The following CCDC13 variants were observed in gnomAD, a reference collection of about 807,000 sequenced individuals.
CCDC13 encodes coiled-coil domain containing 13.
Under a neutral mutation model 87.3 loss-of-function variants are expected in CCDC13, and 70 were observed. The observed-to-expected ratio is 0.80, with a 90% CI of 0.66 to 0.98. The LOEUF is 0.98. Ranked by LOEUF, CCDC13 falls within the 50% of genes least tolerant of loss-of-function variation. CCDC13 has a pLI of 0.00. For missense variants in CCDC13, 842 were observed against 892.0 expected, an observed-to-expected ratio of 0.94 and a Z score of 0.71; for synonymous variants, 317 against 360.3, an observed-to-expected ratio of 0.88 and a Z score of 1.36.
chr3:42,768,261 C>T (rs1180659079), intron 1 of CCDC13, among the ~76,000 whole-genome samples: 1 of 152,086 alleles, frequency 6.6e-6, no homozygotes, highest in African/African-American at 2.4e-5. Flanking sequence ...GAAGGTAATA[C>T]AGGAGAAAAT....
intron 8 of CCDC13, among the ~76,000 whole-genome samples, chr3:42,741,494 T>G (rs961909768): frequency 1.3e-5 from 2 of 152,170 alleles, no homozygotes; most frequent in African/African-American, 4.8e-5. Flanking sequence ...CCCAGCACTT[T>G]GTGAGGCCGA....
At chr3:42,710,364 G>A (rs1698281684) in intron 14 of CCDC13, among the ~76,000 whole-genome samples, 1 of 152,022 alleles carries the variant, frequency 6.6e-6, no homozygotes, top group Non-Finnish European at 1.5e-5. Context: ...GCCCAGCCTG[G>A]TAATTTGTTT....
intron 10 of CCDC13, among the ~76,000 whole-genome samples, chr3:42,734,509 T>G (rs1264644030): frequency 6.6e-6 from 1 of 152,154 alleles, no homozygotes; most frequent in Admixed American, 6.5e-5. Context: ...CCCTTCAGCC[T>G]CACAGCACTA....
chr3:42,769,791 A>G (rs1409549441), intron 1 of CCDC13, among the ~76,000 whole-genome samples: 2 of 152,224 alleles, frequency 1.3e-5, no homozygotes, highest in South Asian at 2.1e-4. Flanking sequence ...TGGGCTCCGC[A>G]GGCCCACACT....
At chr3:42,742,339 A>C (rs1699247221) in intron 8 of CCDC13, among the ~76,000 whole-genome samples, 1 of 152,194 alleles carries the variant, frequency 6.6e-6, no homozygotes, top group Non-Finnish European at 1.5e-5. Context: ...TCCTTGTGGA[A>C]GAGAGTGAAG....
chr3:42,756,716 G>A (rs962583137), intron 3 of CCDC13, among the ~76,000 whole-genome samples: 3 of 152,064 alleles, frequency 2.0e-5, no homozygotes, highest in African/African-American at 7.2e-5. Context: ...GTGCACCAAG[G>A]AGAAATGGAT....
chr3:42,743,178 C>T (rs956425059), intron 7 of CCDC13, 121 bp from the exon 8 acceptor site: 12 of 1,130,028 alleles, frequency 1.1e-5, no homozygotes, highest in Admixed American at 4.3e-5. Flanking sequence ...GCTGTGGTAG[C>T]CCCATCTGAG....
chr3:42,718,248 T>C (rs1171137102), intron 13 of CCDC13: 2 of 152,098 alleles, frequency 1.3e-5, no homozygotes, highest in East Asian at 3.9e-4. Flanking sequence ...AAAACCAAGA[T>C]GATGATGAAA....
At chr3:42,709,272 C>T (rs552593661) in intron 15 of CCDC13, 133 bp from the exon 16 acceptor site, 3 of 871,838 alleles carry the variant, frequency 3.4e-6, no homozygotes, top group African/African-American at 3.4e-5. Flanking sequence ...CCCATCCCCT[C>T]CTCTCACTGA....
Position 42,726,728 on chromosome 3 carries a change from AAAAT to A in CCDC13, c.1718+3735_1718+3738del, listed in dbSNP as rs200503454. Among the ~76,000 whole-genome samples the A allele has an allele frequency of 3.5e-3, 373 of 105,832 alleles. 10 individuals carry two copies. In the East Asian group the frequency reaches 0.057, roughly 16 times the overall value. The allele number at this position is 105,832 out of a possible 152,430, so 69.4% of individuals were successfully genotyped here. On this transcript the variant is annotated intron_variant, in intron 13 of 15. Coordinates refer to ENST00000310232, the MANE Select transcript of CCDC13 (RefSeq NM_144719.4). ...TACACACATATTTACATGTATATAT[AAAAT>A]ATATATTTACATATATGTAAAGTCA...
At chr3:42,759,140 G>A (rs919670417) in intron 1 of CCDC13, among the ~76,000 whole-genome samples, 2 of 152,070 alleles carry the variant, frequency 1.3e-5, no homozygotes, top group African/African-American at 4.8e-5. Flanking sequence ...GTATAACATG[G>A]CAAAACCCCA....
At chr3:42,771,595 AAAT>A (rs1647176408) in intron 1 of CCDC13, among the ~76,000 whole-genome samples, 1 of 152,148 alleles carries the variant, frequency 6.6e-6, no homozygotes, top group African/African-American at 2.4e-5. Flanking sequence ...GCTTTACAAA[AAAT>A]AAAAAAATTA....
intron 13 of CCDC13, among the ~76,000 whole-genome samples, chr3:42,715,618 A>T (rs922416352): frequency 6.6e-6 from 1 of 152,206 alleles, no homozygotes; most frequent in Non-Finnish European, 1.5e-5. Context: ...TTGTAACAAA[A>T]AGAAAAAAAA....
chr3:42,713,155 C>T lies in CCDC13; in HGVS notation c.1873+7G>A. Reference sequence around the variant, plus strand: ...CCCTGCACTGAGACTACTGCCCTGGCCCCTACCTGTTTTGGTCCTGGGAGC... The same window carrying T: ...CCCTGCACTGAGACTACTGCCCTGGTCCCTACCTGTTTTGGTCCTGGGAGC... On this transcript the variant is annotated splice_region_variant and intron_variant, in intron 14 of 15. Transcript: ENST00000310232. 1 of 1,613,138 alleles carries T rather than the reference C, an allele frequency of 6.2e-7. No individual in the cohort carries two copies. Among genetic ancestry groups the T allele is most frequent in the African/African-American group, 1.3e-5 (1 of 75,056 alleles).
intron 7 of CCDC13, among the ~76,000 whole-genome samples, chr3:42,743,308 G>A (rs552102749): frequency 1.3e-5 from 2 of 152,206 alleles, no homozygotes; most frequent in Admixed American, 6.5e-5. Context: ...CTGAGGGGCT[G>A]TTTGAGGCTG....
Position 42,708,855 on chromosome 3 carries a change from G to T in CCDC13, c.*125C>A. 5.1e-6 allele frequency: 5 copies of T among 973,820 alleles called. No homozygotes were observed. The highest frequency in any genetic ancestry group is 2.7e-5 in the East Asian group (1 of 36,852). 60.3% of individuals were successfully genotyped at this position (973,820 alleles called of 1,614,324 possible). A position where few individuals can be genotyped will look rare whatever the true frequency, so the allele number is the denominator to read the frequency against. ...TGGTCATCCTTAAGGAGCCTCTTCTGGTAGAAGTGGTTGAGCTGGCTGCCC... is the reference window on the plus strand; with the variant it reads ...TGGTCATCCTTAAGGAGCCTCTTCTTGTAGAAGTGGTTGAGCTGGCTGCCC... On this transcript the variant is annotated 3_prime_UTR_variant, in exon 16 of 16. Transcript: ENST00000310232.
intron 1 of CCDC13, among the ~76,000 whole-genome samples, chr3:42,771,836 T>C (rs1700120992): frequency 6.6e-6 from 1 of 152,176 alleles, no homozygotes; most frequent in Non-Finnish European, 1.5e-5. Flanking sequence ...ACCAGTATAG[T>C]TGTATCAATG....
rs1699885338 is a variant in CCDC13, at chr3:42,764,001, G to C, written c.-6-5650C>G. ...AGAAAAGCAGGACAACTCCAAGGTT[G>C]GGAGGGGGGAGCTTCCAGGTGATAA... On this transcript the variant is annotated intron_variant, in intron 1 of 15. Transcript: ENST00000310232. Among the ~76,000 whole-genome samples the C allele has an allele frequency of 2.0e-5, 3 of 152,196 alleles. No homozygotes were observed. The South Asian group carries it at 6.2e-4, about 32-fold the overall frequency.
intron 13 of CCDC13, among the ~76,000 whole-genome samples, chr3:42,729,734 T>A (rs1698776221): frequency 6.6e-6 from 1 of 152,256 alleles, no homozygotes; most frequent in African/African-American, 2.4e-5. Flanking sequence ...AGTCTGCCAG[T>A]ACCTTCCAAA....
Sources: allele counts gnomAD v4.1 joint callset (sites outside exome capture counted in the v4.1 genomes callset), GRCh38; gene constraint gnomAD v4.1.1; transcripts MANE v1.5; gene names NCBI Gene and HGNC (gene_info 2026-07-23, HGNC 2026-07-21).